Variants in HSDL2 observed in about 807,000 individuals in gnomAD.
HSDL2 encodes hydroxysteroid dehydrogenase-like protein 2.
A neutral mutation model predicts 46.3 loss-of-function variants in HSDL2; 27 were observed. That is an observed-to-expected ratio of 0.58 (90% CI 0.43 to 0.80). The LOEUF (loss-of-function observed/expected upper bound fraction) is 0.80, where lower values mean the gene tolerates loss of function less well. HSDL2 is among the 30% of genes least tolerant of loss of function. The probability of loss-of-function intolerance (pLI) is 0.00; values close to 1 mark genes in which losing one functional copy is unlikely to be tolerated. For synonymous variants in HSDL2, 153 were observed against 163.6 expected (o/e 0.94, Z 0.50); for missense variants, 451 against 502.7 (o/e 0.90, Z 0.98).
chr9:112,448,637 C>G (rs1448179440), intron 8 of HSDL2, among the ~76,000 whole-genome samples: 2 of 152,074 alleles, frequency 1.3e-5, no homozygotes, highest in Admixed American at 1.3e-4. Flanking sequence ...CTGCAACGTC[C>G]GCCACCTGGG....
intron 3 of HSDL2, among the ~76,000 whole-genome samples, chr9:112,406,810 T>C (rs370056933): frequency 6.6e-6 from 1 of 152,224 alleles, no homozygotes; most frequent in Non-Finnish European, 1.5e-5. Flanking sequence ...TATCTTGTAC[T>C]ATTTTAGATC....
intron 1 of HSDL2, among the ~76,000 whole-genome samples, chr9:112,390,744 C>T (rs534144371): frequency 6.6e-6 from 1 of 152,280 alleles, no homozygotes; most frequent in East Asian, 1.9e-4. Context: ...TGAGCTACCA[C>T]ACCTGGCCTC....
chr9:112,383,679 T>C (rs145153560), intron 1 of HSDL2, among the ~76,000 whole-genome samples: 1,688 of 152,328 alleles, frequency 0.011, 18 homozygotes, highest in Non-Finnish European at 0.017. Context: ...TTAGTCTCTA[T>C]TCATGTACCA....
chr9:112,424,139 T>A (rs1832195653), intron 6 of HSDL2, among the ~76,000 whole-genome samples: 1 of 151,040 alleles, frequency 6.6e-6, no homozygotes, highest in Non-Finnish European at 1.5e-5. Flanking sequence ...GCTAACATGG[T>A]GAAACCCTGT....
chr9:112,451,003 C>A (rs1832874285), intron 8 of HSDL2, among the ~76,000 whole-genome samples: 1 of 151,906 alleles, frequency 6.6e-6, no homozygotes, highest in African/African-American at 2.4e-5. Flanking sequence ...GAGTTCGAGA[C>A]CAGCCTGGCC....
At chr9:112,403,645 TC>T (rs570715426) in intron 1 of HSDL2, among the ~76,000 whole-genome samples, 315 of 149,862 alleles carry the variant, frequency 2.1e-3, no homozygotes, top group African/African-American at 7.5e-3. Context: ...ATCCCACCAC[TC>T]AAAAAAAAAA....
chr9:112,451,749 T>C (rs912148515), intron 8 of HSDL2, among the ~76,000 whole-genome samples: 4 of 152,156 alleles, frequency 2.6e-5, no homozygotes, highest in Non-Finnish European at 5.9e-5. Flanking sequence ...CTCTTGCATT[T>C]TTTTTTTTTG....
intron 1 of HSDL2, among the ~76,000 whole-genome samples, chr9:112,388,937 C>T (rs769694248): frequency 6.6e-6 from 1 of 152,014 alleles, no homozygotes; most frequent in Non-Finnish European, 1.5e-5. Flanking sequence ...GGAAAAAATG[C>T]TCTAAAGGGC....
intron 10 of HSDL2, among the ~76,000 whole-genome samples, chr9:112,460,759 A>G (rs1353023220): frequency 6.6e-6 from 1 of 152,156 alleles, no homozygotes; most frequent in East Asian, 1.9e-4. Context: ...AAGAGAAAGT[A>G]TACCTAAGAA....
At position 112,411,442 on chromosome 9, in the gene HSDL2, A is replaced by G. The variant is rs147772986; in HGVS notation, c.395+2421A>G. ...GTAATCCCAGCACTTTGGGAGGCCAATGCAGGCAGATCACCTGAGGTCAGG... is the reference window on the plus strand; with the variant it reads ...GTAATCCCAGCACTTTGGGAGGCCAGTGCAGGCAGATCACCTGAGGTCAGG... On this transcript the variant is annotated intron_variant, in intron 4 of 10. Transcript: ENST00000398805. Among the ~76,000 whole-genome samples, 1,432 of 152,342 alleles carry G rather than the reference A, an allele frequency of 9.4e-3. 26 individuals carry two copies. The highest frequency in any genetic ancestry group is 0.033 in the African/African-American group (1,365 of 41,582).
chr9:112,407,513 C>A (rs1394151849), intron 3 of HSDL2, among the ~76,000 whole-genome samples: 1 of 152,018 alleles, frequency 6.6e-6, no homozygotes, highest in Non-Finnish European at 1.5e-5. Flanking sequence ...GCCTCCTGGG[C>A]TCAGGTGATC....
At chr9:112,438,819 T>A in intron 7 of HSDL2, 194 bp downstream of exon 7, 1 of 402,820 alleles carries the variant, frequency 2.5e-6, no homozygotes, top group Non-Finnish European at 4.3e-6. Context: ...AGAGGTGAGT[T>A]GAGGGCTTTT....
At chr9:112,464,793 C>T (rs1374598887) in intron 10 of HSDL2, among the ~76,000 whole-genome samples, 1 of 152,144 alleles carries the variant, frequency 6.6e-6, no homozygotes, top group Non-Finnish European at 1.5e-5. Flanking sequence ...AAAGAAACCT[C>T]CCACCCATTA....
intron 6 of HSDL2, among the ~76,000 whole-genome samples, chr9:112,421,928 C>G (rs72760160): frequency 0.011 from 1,741 of 152,258 alleles, 15 homozygotes; most frequent in Non-Finnish European, 0.019. Context: ...AAAGACTGTT[C>G]TCTCTGAGCT....
At chr9:112,401,364 G>C (rs929934012) in intron 1 of HSDL2, among the ~76,000 whole-genome samples, 1 of 132,590 alleles carries the variant, frequency 7.5e-6, no homozygotes, top group African/African-American at 2.9e-5. Context: ...TGGTGAGGCA[G>C]AAAGATCACT....
chr9:112,386,135 G>A (rs1564100142), intron 1 of HSDL2, among the ~76,000 whole-genome samples: 1 of 152,036 alleles, frequency 6.6e-6, no homozygotes, highest in Non-Finnish European at 1.5e-5. Context: ...GCCCAGGCTG[G>A]TTTGTAATAA....
intron 1 of HSDL2, among the ~76,000 whole-genome samples, chr9:112,398,152 G>T (rs1015293286): frequency 1.7e-4 from 26 of 152,130 alleles, no homozygotes; most frequent in African/African-American, 5.1e-4. Flanking sequence ...TAAGCATACT[G>T]GTGATTATTG....
chr9:112,416,750 G>A, intron 4 of HSDL2, 91 bp from the exon 5 acceptor site: 2 of 632,072 alleles, frequency 3.2e-6, no homozygotes. Context: ...TCCAGCCTGG[G>A]CAACAGAGCA....
chr9:112,426,236 T>TC (rs755688250), intron 6 of HSDL2, among the ~76,000 whole-genome samples: 1 of 11,568 alleles, frequency 8.6e-5, no homozygotes, highest in Non-Finnish European at 2.0e-4. Context: ...TAAGCCTTCT[T>TC]TTTTTTTTTT....
Sources: gnomAD v4.1 joint callset for allele counts (sites outside exome capture counted in the v4.1 genomes callset) on GRCh38, gnomAD v4.1.1 for gene constraint, MANE v1.5 for transcripts, NCBI Gene and HGNC (gene_info 2026-07-23, HGNC 2026-07-21) for gene names.